ITPR2: variants seen among roughly 807,000 people sequenced by gnomAD.
ITPR2 encodes inositol 1,4,5-trisphosphate receptor type 2.
In ITPR2, 207 loss-of-function variants were observed where a neutral mutation model predicts 317.1. The observed-to-expected ratio is 0.65, with a 90% confidence interval of 0.58 to 0.73. ITPR2 has a LOEUF of 0.73. Ranked by LOEUF, ITPR2 falls within the 30% of genes least tolerant of loss-of-function variation. ITPR2 has a pLI of 0.00. For missense variants in ITPR2, 2,613 were observed against 3,284.0 expected (o/e 0.80, Z 4.99); for synonymous variants, 1,156 against 1,149.1 (o/e 1.01, Z -0.12).
chr12:26,810,296 T>G (rs1325030610), intron 1 of ITPR2, among the ~76,000 whole-genome samples: 1 of 152,148 alleles, frequency 6.6e-6, no homozygotes, highest in Non-Finnish European at 1.5e-5. Context: ...CCTTATAGCT[T>G]TTTTTTCATA....
intron 37 of ITPR2, among the ~76,000 whole-genome samples, chr12:26,517,105 T>A (rs1234938030): frequency 6.6e-6 from 1 of 152,034 alleles, no homozygotes; most frequent in East Asian, 1.9e-4. Flanking sequence ...ATCTAGAAAA[T>A]AAACTCTCCT....
chr12:26,784,130 T>C (rs1415526401), intron 2 of ITPR2, among the ~76,000 whole-genome samples: 2 of 152,232 alleles, frequency 1.3e-5, no homozygotes, highest in South Asian at 4.1e-4. Flanking sequence ...TTTAAACTAA[T>C]GTCCCCAGTG....
intron 37 of ITPR2, among the ~76,000 whole-genome samples, chr12:26,528,110 G>A (rs577234152): frequency 2.6e-4 from 39 of 152,270 alleles, no homozygotes; most frequent in African/African-American, 7.5e-4. Flanking sequence ...TGGGTTTGCC[G>A]TTAGGTTGGG....
At position 26,520,240 on chromosome 12, in the gene ITPR2, T is replaced by G. The variant is rs77944790; in HGVS notation, c.5074-24980A>C. On this transcript the variant is annotated intron_variant, in intron 37 of 56. Coordinates refer to ENST00000381340, the MANE Select transcript of ITPR2 (RefSeq NM_002223.4). The stretch of plus-strand genomic sequence containing the variant: ...TGGGACTGAAATTTTATGGATCACA[T>G]TTCTACTTTGCTGGCTACATCTAGG... Among the ~76,000 whole-genome samples the G allele has an allele frequency of 6.7e-3, 1,024 of 152,306 alleles. 6 individuals carry two copies. The highest frequency in any genetic ancestry group is 0.01 in the Admixed American group (159 of 15,300).
intron 47 of ITPR2, among the ~76,000 whole-genome samples, chr12:26,436,803 T>C (rs148772518): frequency 6.6e-6 from 1 of 152,206 alleles, no homozygotes; most frequent in Non-Finnish European, 1.5e-5. Flanking sequence ...ATATTTCTAA[T>C]GAAAATTCCT....
intron 37 of ITPR2, among the ~76,000 whole-genome samples, chr12:26,539,426 T>C (rs1944196646): frequency 6.6e-6 from 1 of 152,162 alleles, no homozygotes; most frequent in Non-Finnish European, 1.5e-5. Context: ...TTTTTTTTTT[T>C]CCTGGTTCAA....
At chr12:26,414,044 TATATGTACAC>T (rs1940638028) in intron 51 of ITPR2, among the ~76,000 whole-genome samples, 1 of 67,306 alleles carries the variant, frequency 1.5e-5, no homozygotes, top group East Asian at 7.2e-4. Context: ...TCTACATGTA[TATATGTACAC>T]ACACACACAC....
chr12:26,649,773 CTAGATAGATAGATAGA>C (rs71069259), intron 21 of ITPR2, among the ~76,000 whole-genome samples: 2,689 of 147,502 alleles, frequency 0.018, 27 homozygotes, highest in Non-Finnish European at 0.026. Context: ...GATAGATAGA[CTAGATAGATAGATAGA>C]TAGATAGATA....
intron 2 of ITPR2, among the ~76,000 whole-genome samples, chr12:26,780,326 C>T (rs896579876): frequency 7.9e-5 from 12 of 152,244 alleles, no homozygotes; most frequent in Admixed American, 2.6e-4. Context: ...GGTTTTTGTC[C>T]TCACTGAAAT....
intron 55 of ITPR2, among the ~76,000 whole-genome samples, chr12:26,350,988 C>G (rs1938463845): frequency 6.6e-6 from 1 of 152,172 alleles, no homozygotes; most frequent in Non-Finnish European, 1.5e-5. Flanking sequence ...TGACCCAGGA[C>G]TGGGGAGGTC....
intron 31 of ITPR2, among the ~76,000 whole-genome samples, chr12:26,596,227 T>C (rs767488553): frequency 1.3e-5 from 2 of 152,240 alleles, no homozygotes; most frequent in Non-Finnish European, 2.9e-5. Flanking sequence ...TTGAAGCACC[T>C]GTTTTATGCT....
At chr12:26,402,718 T>C (rs1044967872) in intron 52 of ITPR2, among the ~76,000 whole-genome samples, 1 of 152,224 alleles carries the variant, frequency 6.6e-6, no homozygotes, top group African/African-American at 2.4e-5. Context: ...CCTCAGTTAA[T>C]AAGGTTCTAC....
rs767300517 is a variant in ITPR2 at position 26,716,187 on chromosome 12, T to C, written c.581A>G (p.His194Arg). Reference protein sequence around the residue: ...LMPVNAGQPLHASNIELLDNP... With the variant: ...LMPVNAGQPLRASNIELLDNP... ...ATCAAGAAGCTCTATGTTGCTGGCATGTAGTGGCTGCCCTGCATTCACAGG... is the reference window on the plus strand; with the variant it reads ...ATCAAGAAGCTCTATGTTGCTGGCACGTAGTGGCTGCCCTGCATTCACAGG... The change falls in exon 6 of 57, where the codon CAT (histidine) becomes CGT (arginine). Residue 194 changes from histidine to arginine, a missense_variant. This residue lies in a region of ITPR2 where 515 missense variants were observed against 789.4 expected (regional missense o/e 0.65). Transcript: ENST00000381340. 1.2e-6 allele frequency: 2 copies of C among 1,613,516 alleles called. No homozygotes were observed. Among genetic ancestry groups the C allele is most frequent in the Non-Finnish European group, 1.7e-6 (2 of 1,179,572 alleles).
intron 45 of ITPR2, among the ~76,000 whole-genome samples, chr12:26,474,044 T>C (rs1208014336): frequency 6.6e-6 from 1 of 152,258 alleles, no homozygotes; most frequent in Non-Finnish European, 1.5e-5. Flanking sequence ...TAGTATCTTT[T>C]AGAATCTGAC....
At chr12:26,515,398 C>T (rs1943458659) in intron 37 of ITPR2, among the ~76,000 whole-genome samples, 1 of 152,084 alleles carries the variant, frequency 6.6e-6, no homozygotes. Context: ...ATTGTATTGC[C>T]TGTGTAAACT....
chr12:26,795,606 C>T (rs1950421290), intron 1 of ITPR2, among the ~76,000 whole-genome samples: 3 of 152,138 alleles, frequency 2.0e-5, no homozygotes, highest in Admixed American at 2.0e-4. Flanking sequence ...AGTAAGACTT[C>T]CATCCACCCA....
chr12:26,660,112 C>G (rs1038650848), intron 15 of ITPR2, among the ~76,000 whole-genome samples: 2 of 152,152 alleles, frequency 1.3e-5, no homozygotes, highest in Non-Finnish European at 2.9e-5. Context: ...ATAGCCAGTG[C>G]AAAGGCCCTG....
intron 36 of ITPR2, among the ~76,000 whole-genome samples, chr12:26,554,186 G>T (rs1215132254): frequency 2.0e-5 from 3 of 152,174 alleles, no homozygotes; most frequent in Non-Finnish European, 4.4e-5. Context: ...TTCTAGACCA[G>T]TGCTGTCTAA....
chr12:26,489,300 G>T (rs1213516728), intron 39 of ITPR2, among the ~76,000 whole-genome samples: 2 of 152,152 alleles, frequency 1.3e-5, no homozygotes, highest in Admixed American at 6.6e-5. Context: ...TGTGACAGGA[G>T]ACTGGAAGAG....
Sources: allele counts gnomAD v4.1 joint callset (sites outside exome capture counted in the v4.1 genomes callset), GRCh38; gene constraint gnomAD v4.1.1; regional missense constraint gnomAD v4.1.1; transcripts MANE v1.5; gene names NCBI Gene and HGNC (gene_info 2026-07-23, HGNC 2026-07-21).